The following TMEM26 variants were observed in gnomAD, a reference collection of about 807,000 sequenced individuals.
TMEM26 encodes the protein transmembrane protein 26.
TMEM26 carries 38 observed loss-of-function variants against 28.8 expected under a neutral mutation model. That is an observed-to-expected ratio of 1.32 (90% CI 1.02 to 1.73). The LOEUF (loss-of-function observed/expected upper bound fraction) is 1.73. Ranked by LOEUF, TMEM26 falls within the 40% of genes most tolerant of loss-of-function variation. The pLI is 0.00. For missense variants in TMEM26, 518 were observed against 447.1 expected (o/e 1.16, Z -1.43); for synonymous variants, 227 against 182.9 (o/e 1.24, Z -1.95).
At chr10:61,442,918 C>T (rs984476118) in intron 1 of TMEM26, among the ~76,000 whole-genome samples, 1 of 152,154 alleles carries the variant, frequency 6.6e-6, no homozygotes, top group Non-Finnish European at 1.5e-5. Flanking sequence ...TTCAACTCCT[C>T]AACGTGAACC....
intron 1 of TMEM26, among the ~76,000 whole-genome samples, chr10:61,450,663 T>A (rs1294253946): frequency 6.6e-6 from 1 of 152,220 alleles, no homozygotes; most frequent in African/African-American, 2.4e-5. Flanking sequence ...CTTTGCTTAT[T>A]TTCAAATATG....
At chr10:61,448,240 C>T (rs1175244648) in intron 1 of TMEM26, among the ~76,000 whole-genome samples, 1 of 152,262 alleles carries the variant, frequency 6.6e-6, no homozygotes, top group Non-Finnish European at 1.5e-5. Flanking sequence ...CCTGTGACAG[C>T]TCAAATGCTG....
Position 61,410,338 on chromosome 10 carries a change from G to C in TMEM26, c.1091C>G (p.Ser364Cys), listed in dbSNP as rs756970684. 3.1e-6 allele frequency: 5 copies of C among 1,611,350 alleles called. No individual in the cohort carries two copies. In the South Asian group the frequency reaches 5.5e-5, roughly 18 times the overall value. The part of the protein sequence containing the change: ...LRGSPVTSDD[S>C]HHTP ...AATCAATAACTAAGGGGTGTGGTGG[G>C]AGTCGTCGGAGGTGACTGGGGAGCC... is the stretch of plus-strand genomic sequence containing the variant. The change falls in exon 6 of 6, where the codon TCC becomes TGC. Residue 364 changes from serine to cysteine, a missense_variant. Transcript: ENST00000399298.
At chr10:61,450,741 T>C (rs1178877676) in intron 1 of TMEM26, among the ~76,000 whole-genome samples, 3 of 152,154 alleles carry the variant, frequency 2.0e-5, no homozygotes, top group Admixed American at 2.0e-4. Flanking sequence ...ATATAATGGG[T>C]CTGTTCTTCC....
At chr10:61,423,445 A>T (rs894238285) in intron 4 of TMEM26, among the ~76,000 whole-genome samples, 1 of 152,228 alleles carries the variant, frequency 6.6e-6, no homozygotes, top group Admixed American at 6.5e-5. Context: ...ATCCAATAAC[A>T]TGTAAAAAAT....
intron 4 of TMEM26, 118 bp downstream of exon 4, chr10:61,428,808 T>C (rs1839872890): frequency 3.6e-6 from 3 of 839,648 alleles, no homozygotes; most frequent in East Asian, 2.7e-5. Flanking sequence ...GATCCTAACG[T>C]TGCATATAAA....
intron 5 of TMEM26, among the ~76,000 whole-genome samples, chr10:61,411,561 T>A (rs1839569831): frequency 6.6e-6 from 1 of 152,238 alleles, no homozygotes; most frequent in African/African-American, 2.4e-5. Context: ...AAATACATTT[T>A]TCAAATGATG....
intron 1 of TMEM26, among the ~76,000 whole-genome samples, chr10:61,444,430 G>A (rs142685454): frequency 6.6e-6 from 1 of 152,186 alleles, no homozygotes; most frequent in Non-Finnish European, 1.5e-5. Context: ...TTTCTGTTCT[G>A]TAGAGGAGAT....
intron 1 of TMEM26, chr10:61,452,649 G>A: frequency 2.0e-6 from 1 of 494,904 alleles, no homozygotes; most frequent in African/African-American, 1.9e-5. Context: ...CCAAACCTGA[G>A]ACTGGGTGAC....
rs1229125447 is a variant in TMEM26, at chr10:61,442,170, A to G, written c.192-5922T>C. The stretch of plus-strand genomic sequence containing the variant: ...TTCATCCAAAAGTAAAATATTGTTT[A>G]CCATACAAAGTTGTCATTTCAACAA... On this transcript the variant is annotated intron_variant, in intron 1 of 5. Transcript: ENST00000399298. 3.9e-5 allele frequency among the ~76,000 whole-genome samples: 6 copies of G among 152,278 alleles called. No individual in the cohort carries two copies. The South Asian group carries it at 1.0e-3, about 26-fold the overall frequency.
chr10:61,438,809 T>C (rs1840047327), intron 1 of TMEM26, among the ~76,000 whole-genome samples: 1 of 152,186 alleles, frequency 6.6e-6, no homozygotes, highest in South Asian at 2.1e-4. Context: ...CCTTACCACA[T>C]CCTGTCAAGC....
intron 4 of TMEM26, among the ~76,000 whole-genome samples, chr10:61,427,603 A>G (rs1466537296): frequency 6.6e-6 from 1 of 152,112 alleles, no homozygotes; most frequent in Non-Finnish European, 1.5e-5. Flanking sequence ...GATGGGACTA[A>G]CAGTCCATTA....
intron 4 of TMEM26, among the ~76,000 whole-genome samples, chr10:61,421,210 T>C (rs1369764524): frequency 1.3e-5 from 2 of 151,896 alleles, no homozygotes; most frequent in Non-Finnish European, 2.9e-5. Context: ...ATTCAATAAA[T>C]GCATGGAGAA....
At position 61,429,149 on chromosome 10, in the gene TMEM26, G is replaced by A. The variant is rs1194960306; in HGVS notation, c.385-3C>T. On this transcript the variant is annotated splice_region_variant and splice_polypyrimidine_tract_variant and intron_variant, in intron 3 of 5. Transcript: ENST00000399298. ...AAGTTATTCACAAAAACTTTGGCCT[G>A]TTTAACAGAAATGTCATACAGACAG... 1.2e-6 allele frequency: 2 copies of A among 1,611,180 alleles called. No individual in the cohort carries two copies. Among genetic ancestry groups the A allele is most frequent in the Non-Finnish European group, 1.7e-6 (2 of 1,178,586 alleles).
chr10:61,413,126 T>C, intron 5 of TMEM26: 1 of 481,930 alleles, frequency 2.1e-6, no homozygotes, highest in Non-Finnish European at 3.3e-6. Flanking sequence ...ACTATGATTA[T>C]CATCCCTATT....
intron 1 of TMEM26, among the ~76,000 whole-genome samples, chr10:61,440,293 A>G (rs1840070842): frequency 6.6e-6 from 1 of 152,150 alleles, no homozygotes; most frequent in African/African-American, 2.4e-5. Context: ...AAACTCCTTG[A>G]ATCAAGGGCC....
rs1564470631 is a variant in TMEM26 at position 61,410,429 on chromosome 10, C to T, written c.1000G>A (p.Glu334Lys). Residue 334 changes from glutamate (E) to lysine (K), a missense_variant, in exon 6 of 6, where the codon GAG becomes AAG. Physicochemically the swap from Glu to Lys is moderately conservative, Grantham distance 56. Coordinates refer to ENST00000399298, the MANE Select transcript of TMEM26 (RefSeq NM_178505.8). ...CAGTCCCGCTGAGAGGGCCCACTCT[C>T]AGAGGTCTGTGCCCGGCAACCATGT... ...GEHGCRAQTS[E>K]SGPSQRDWQN... 6.2e-7 allele frequency: 1 copy of T among 1,614,078 alleles called. No homozygotes were observed. Among genetic ancestry groups the T allele is most frequent in the Non-Finnish European group, 8.5e-7 (1 of 1,180,008 alleles).
chr10:61,434,289 TAGAG>T (rs567728087), intron 2 of TMEM26, among the ~76,000 whole-genome samples: 343 of 152,294 alleles, frequency 2.3e-3, no homozygotes, highest in African/African-American at 8.0e-3. Context: ...GTTTGAAAAT[TAGAG>T]AGCTACTGCT....
intron 2 of TMEM26, among the ~76,000 whole-genome samples, chr10:61,435,302 T>TC (rs1839985715): frequency 6.6e-6 from 1 of 152,160 alleles, no homozygotes; most frequent in Non-Finnish European, 1.5e-5. Flanking sequence ...TGCCTTGGCC[T>TC]CCACAGTAGC....
Sources: allele counts gnomAD v4.1 joint callset (sites outside exome capture counted in the v4.1 genomes callset), GRCh38; gene constraint gnomAD v4.1.1; transcripts MANE v1.5; gene names NCBI Gene and HGNC (gene_info 2026-07-23, HGNC 2026-07-21).